The following NAALADL2 variants were observed in gnomAD, a reference collection of about 807,000 sequenced individuals.
NAALADL2 encodes the protein inactive N-acetylated-alpha-linked acidic dipeptidase-like protein 2.
A neutral mutation model predicts 87.2 loss-of-function variants in NAALADL2; 76 were observed. The observed-to-expected ratio is 0.87, with a 90% CI of 0.72 to 1.05. The LOEUF is 1.05. Ranked by LOEUF, NAALADL2 falls within the 50% of genes least tolerant of loss-of-function variation. The probability of loss-of-function intolerance (pLI) is 0.00; values close to 1 mark genes in which losing one functional copy is unlikely to be tolerated. For missense variants in NAALADL2, 1,089 were observed against 945.8 expected, an observed-to-expected ratio of 1.15 and a Z score of -1.99; for synonymous variants, 354 against 331.0, an observed-to-expected ratio of 1.07 and a Z score of -0.75.
intron 1 of NAALADL2, among the ~76,000 whole-genome samples, chr3:175,031,237 A>G (rs1752761166): frequency 6.6e-6 from 1 of 151,956 alleles, no homozygotes; most frequent in Non-Finnish European, 1.5e-5. Flanking sequence ...TCACCCAGGT[A>G]GCCTGGTACC....
At chr3:174,780,347 T>C (rs1262655423) in intron 3 of NAALADL2, among the ~76,000 whole-genome samples, 2 of 152,222 alleles carry the variant, frequency 1.3e-5, no homozygotes, top group Non-Finnish European at 2.9e-5. Flanking sequence ...CCTGAAACTT[T>C]ACTGAAGTTG....
chr3:174,564,182 A>G (rs1275695383), intron 2 of NAALADL2, among the ~76,000 whole-genome samples: 1 of 152,160 alleles, frequency 6.6e-6, no homozygotes, highest in Non-Finnish European at 1.5e-5. Context: ...TTGGAGGGGT[A>G]CTTTTACGTA....
At chr3:175,373,380 G>T (rs771812154) in intron 5 of NAALADL2, among the ~76,000 whole-genome samples, 4 of 152,062 alleles carry the variant, frequency 2.6e-5, no homozygotes, top group Non-Finnish European at 5.9e-5. Context: ...GATTTATTTT[G>T]TCTATTCTAG....
At chr3:174,628,129 T>C (rs941106398) in intron 2 of NAALADL2, among the ~76,000 whole-genome samples, 19 of 152,146 alleles carry the variant, frequency 1.2e-4, no homozygotes, top group Admixed American at 3.3e-4. Flanking sequence ...AAAGAAAGCT[T>C]AATTCCTCAA....
At chr3:174,632,267 C>G (rs578246332) in intron 2 of NAALADL2, among the ~76,000 whole-genome samples, 1 of 152,276 alleles carries the variant, frequency 6.6e-6, no homozygotes, top group South Asian at 2.1e-4. Context: ...AATAAACCAA[C>G]ATTTTTGGGT....
chr3:175,115,826 A>G (rs1047646534), intron 2 of NAALADL2, among the ~76,000 whole-genome samples: 3 of 151,874 alleles, frequency 2.0e-5, no homozygotes, highest in Non-Finnish European at 4.4e-5. Context: ...CATCGATGCA[A>G]AAATCCTCAA....
chr3:175,335,597 T>C (rs1761892049), intron 5 of NAALADL2, among the ~76,000 whole-genome samples: 1 of 152,156 alleles, frequency 6.6e-6, no homozygotes, highest in African/African-American at 2.4e-5. Context: ...CTCTGAAGAG[T>C]TTTTGAATTT....
intron 1 of NAALADL2, among the ~76,000 whole-genome samples, chr3:174,901,216 G>T (rs2108257545): frequency 6.6e-6 from 1 of 152,208 alleles, no homozygotes; most frequent in South Asian, 2.1e-4. Context: ...ATGTGGCAAG[G>T]AATAATTTTA....
At chr3:174,812,482 A>G (rs1479824120) in intron 3 of NAALADL2, among the ~76,000 whole-genome samples, 1 of 152,208 alleles carries the variant, frequency 6.6e-6, no homozygotes, top group East Asian at 1.9e-4. Flanking sequence ...ATAAACAACT[A>G]TGTTCCTGGT....
chr3:175,287,384 A>T (rs1755115015), intron 4 of NAALADL2, among the ~76,000 whole-genome samples: 2 of 152,188 alleles, frequency 1.3e-5, no homozygotes, highest in Non-Finnish European at 2.9e-5. Flanking sequence ...ACCCCCAAAC[A>T]ATGAAAATTG....
At chr3:175,603,679 A>T (rs572300377) in intron 10 of NAALADL2, among the ~76,000 whole-genome samples, 1 of 152,290 alleles carries the variant, frequency 6.6e-6, no homozygotes, top group Admixed American at 6.5e-5. Context: ...ATAGTATTCC[A>T]TTGCATGTAT....
At chr3:174,863,862 C>T (rs1037710561) in intron 1 of NAALADL2, 2 of 311,722 alleles carry the variant, frequency 6.4e-6, no homozygotes, top group East Asian at 2.1e-4. Context: ...CAAGGAGCTC[C>T]TGTTGGACCT....
At chr3:174,734,998 G>C (rs1029291068) in intron 2 of NAALADL2, among the ~76,000 whole-genome samples, 4 of 152,108 alleles carry the variant, frequency 2.6e-5, no homozygotes, top group Non-Finnish European at 5.9e-5. Flanking sequence ...AATACTACAA[G>C]TTAATCTCGA....
intron 1 of NAALADL2, among the ~76,000 whole-genome samples, chr3:175,013,017 T>A (rs1215163158): frequency 5.8e-5 from 6 of 102,622 alleles, no homozygotes; most frequent in African/African-American, 2.0e-4. Flanking sequence ...ACATATATAA[T>A]ATATAAATAT....
intron 2 of NAALADL2, among the ~76,000 whole-genome samples, chr3:174,624,394 C>G (rs191692150): frequency 6.6e-6 from 1 of 151,988 alleles, no homozygotes; most frequent in Non-Finnish European, 1.5e-5. Flanking sequence ...GAGGCGGAGG[C>G]GGGTGGATCA....
At chr3:175,315,652 CT>C (rs1759045902) in intron 4 of NAALADL2, among the ~76,000 whole-genome samples, 1 of 151,948 alleles carries the variant, frequency 6.6e-6, no homozygotes, top group African/African-American at 2.4e-5. Flanking sequence ...GCTATAAATA[CT>C]GTGAAATAGT....
At chr3:175,782,718 C>A (rs1371261002) in intron 13 of NAALADL2, among the ~76,000 whole-genome samples, 4 of 135,768 alleles carry the variant, frequency 2.9e-5, no homozygotes, top group African/African-American at 1.3e-4. Flanking sequence ...AATTAGATCC[C>A]ATTTGTCAAT....
At chr3:174,831,724 A>C (rs1434503303) in intron 3 of NAALADL2, among the ~76,000 whole-genome samples, 5 of 151,344 alleles carry the variant, frequency 3.3e-5, no homozygotes, top group African/African-American at 1.2e-4. Context: ...TTCGGCTGTG[A>C]ATCCATCTGG....
At chr3:175,140,810 C>G (rs1362120246) in intron 2 of NAALADL2, among the ~76,000 whole-genome samples, 2 of 152,068 alleles carry the variant, frequency 1.3e-5, no homozygotes, top group African/African-American at 4.8e-5. Context: ...CAGAAGGAAA[C>G]AGAGGGAAGA....
Sources: gnomAD v4.1 joint callset for allele counts (sites outside exome capture counted in the v4.1 genomes callset) on GRCh38, gnomAD v4.1.1 for gene constraint, MANE v1.5 for transcripts, NCBI Gene and HGNC (gene_info 2026-07-23, HGNC 2026-07-21) for gene names.